ANXA5: variants seen among roughly 807,000 people sequenced by gnomAD.
ANXA5 encodes CBP-I.
A neutral mutation model predicts 48.1 loss-of-function variants in ANXA5; 40 were observed. The observed-to-expected ratio is 0.83, with a 90% CI of 0.65 to 1.08. The LOEUF is 1.08. Ranked by LOEUF, ANXA5 falls within the 50% of genes least tolerant of loss-of-function variation. The pLI is 0.00. For missense variants in ANXA5, 357 were observed against 376.8 expected (o/e 0.95, Z 0.44); for synonymous variants, 113 against 129.1 (o/e 0.88, Z 0.85).
chr4:121,674,192 G>GGGGA (rs1688048086), intron 8 of ANXA5, among the ~76,000 whole-genome samples: 1 of 123,178 alleles, frequency 8.1e-6, no homozygotes, highest in Non-Finnish European at 1.8e-5. Context: ...AGGGAGGGGA[G>GGGGA]GGGAGGGGAG....
At chr4:121,682,761 T>A (rs1388411891) in intron 5 of ANXA5, among the ~76,000 whole-genome samples, 3 of 152,142 alleles carry the variant, frequency 2.0e-5, no homozygotes, top group African/African-American at 7.2e-5. Context: ...AGCTAACAAC[T>A]GAACTACTTC....
intron 2 of ANXA5, among the ~76,000 whole-genome samples, chr4:121,691,141 T>C (rs1412779475): frequency 2.6e-5 from 4 of 151,402 alleles, no homozygotes; most frequent in African/African-American, 4.8e-5. Flanking sequence ...ATTCCCTTTA[T>C]CTGCTACCAC....
At chr4:121,678,531 T>C in intron 6 of ANXA5, 37 bp from the exon 7 acceptor site, 3 of 1,523,880 alleles carry the variant, frequency 2.0e-6, no homozygotes, top group African/African-American at 2.7e-5. Flanking sequence ...TTACATCTTC[T>C]TTCAACTAGA....
At chr4:121,692,743 A>T (rs1725007479) in intron 2 of ANXA5, among the ~76,000 whole-genome samples, 1 of 152,248 alleles carries the variant, frequency 6.6e-6, no homozygotes, top group Admixed American at 6.5e-5. Context: ...AAACAAAAAT[A>T]GTAATACCTA....
chr4:121,690,723 A>G (rs193228448), intron 2 of ANXA5, among the ~76,000 whole-genome samples: 94 of 152,342 alleles, frequency 6.2e-4, no homozygotes, highest in Admixed American at 1.2e-3. Flanking sequence ...AGACTGAAGG[A>G]AATTAGGTGA....
At chr4:121,675,690 C>G (rs1369765941) in intron 8 of ANXA5, among the ~76,000 whole-genome samples, 1 of 152,216 alleles carries the variant, frequency 6.6e-6, no homozygotes, top group Admixed American at 6.5e-5. Flanking sequence ...CTGCATGACA[C>G]GTAAGTGTCA....
At chr4:121,689,716 G>A (rs1048569368) in intron 2 of ANXA5, among the ~76,000 whole-genome samples, 1 of 152,158 alleles carries the variant, frequency 6.6e-6, no homozygotes, top group East Asian at 1.9e-4. Context: ...CATCCTGTAG[G>A]CAACAGGAAG....
chr4:121,687,161 G>A (rs1004801790), intron 2 of ANXA5, among the ~76,000 whole-genome samples: 1 of 151,980 alleles, frequency 6.6e-6, no homozygotes. Flanking sequence ...TTAACCGGGT[G>A]TGGTGGCAGG....
At chr4:121,692,640 T>G (rs1725006510) in intron 2 of ANXA5, among the ~76,000 whole-genome samples, 1 of 152,218 alleles carries the variant, frequency 6.6e-6, no homozygotes, top group African/African-American at 2.4e-5. Flanking sequence ...CCCTAAGTAT[T>G]TATTTGCTGT....
chr4:121,694,470 C>T (rs1301805862), intron 2 of ANXA5, among the ~76,000 whole-genome samples: 2 of 152,006 alleles, frequency 1.3e-5, no homozygotes, highest in African/African-American at 2.4e-5. Flanking sequence ...CTGCAACCTC[C>T]GCCTCCCGGG....
Position 121,684,775 on chromosome 4 carries a change from C to A in ANXA5, c.95-4G>T, listed in dbSNP as rs763265975. The stretch of plus-strand genomic sequence containing the variant: ...AGGATGCTCTCCTCATCTGTGCCTG[C>A]AATTTATGGTTAACAATTACATTTT... On this transcript the variant is annotated splice_region_variant and splice_polypyrimidine_tract_variant and intron_variant, in intron 3 of 12. Transcript: ENST00000296511. The A allele has an allele frequency of 6.2e-7, 1 of 1,612,696 alleles. No individual in the cohort carries two copies. The highest frequency in any genetic ancestry group is 8.5e-7 in the Non-Finnish European group (1 of 1,179,130).
At position 121,684,585 on chromosome 4, in the gene ANXA5, G is replaced by A. The variant is rs78275252; in HGVS notation, c.189+92C>T. 5.2e-3 allele frequency: 5,600 copies of A among 1,067,306 alleles called. 30 individuals carry two copies. The highest frequency in any genetic ancestry group is 0.012 in the South Asian group (778 of 67,102). The allele number at this position is 1,067,306 out of a possible 1,614,324, so 66.1% of individuals were successfully genotyped here. ...GGGAAGTCGGAATCACAAAATAAATGATGCTTACAAAAGAATATCAGTATA... is the reference window on the plus strand; with the variant it reads ...GGGAAGTCGGAATCACAAAATAAATAATGCTTACAAAAGAATATCAGTATA... On this transcript the variant is annotated intron_variant, in intron 4 of 12. Transcript: ENST00000296511.
chr4:121,674,217 A>T (rs1479823113), intron 8 of ANXA5, among the ~76,000 whole-genome samples: 2 of 81,246 alleles, frequency 2.5e-5, no homozygotes, highest in Non-Finnish European at 4.7e-5. Flanking sequence ...AGGGGCGGAA[A>T]GGAGAAGGGA....
intron 6 of ANXA5, among the ~76,000 whole-genome samples, chr4:121,679,294 A>G (rs1363672123): frequency 6.6e-6 from 1 of 152,186 alleles, no homozygotes; most frequent in Non-Finnish European, 1.5e-5. Context: ...ACCTGTAAAT[A>G]TTAACCATTA....
Position 121,676,648 on chromosome 4 carries a change from C to T in ANXA5, c.531+1246G>A, listed in dbSNP as rs539047050. Among the ~76,000 whole-genome samples, 65 of 135,104 alleles carry T rather than the reference C, an allele frequency of 4.8e-4. 2 individuals are homozygous for T. The South Asian group carries it at 0.014, about 29-fold the overall frequency. The allele number at this position is 135,104 out of a possible 152,430, so 88.6% of individuals were successfully genotyped here. A position where few individuals can be genotyped will look rare whatever the true frequency, so the allele number is the denominator to read the frequency against. ...AAGTAAATAGATGGCTTCCAGAGAACGTGGCAAGAACTGTGACAGGAAGCC... is the reference window on the plus strand; with the variant it reads ...AAGTAAATAGATGGCTTCCAGAGAATGTGGCAAGAACTGTGACAGGAAGCC... On this transcript the variant is annotated intron_variant, in intron 8 of 12. Coordinates refer to ENST00000296511, the MANE Select transcript of ANXA5 (RefSeq NM_001154.4).
Position 121,694,578 on chromosome 4 carries a change from T to G in ANXA5, c.9+2003A>C, listed in dbSNP as rs561512522. The stretch of plus-strand genomic sequence containing the variant: ...TTTTGTATTTTTAGAAGAGACGAGG[T>G]CTCACCATGTTGGTTAGGCTGGTCT... On this transcript the variant is annotated intron_variant, in intron 2 of 12. Coordinates refer to ENST00000296511, the MANE Select transcript of ANXA5 (RefSeq NM_001154.4). Among the ~76,000 whole-genome samples the G allele has an allele frequency of 3.7e-4, 57 of 152,194 alleles. No individual in the cohort carries two copies. The South Asian group carries it at 0.011, about 31-fold the overall frequency.
intron 3 of ANXA5, 119 bp downstream of exon 3, chr4:121,686,169 A>AT: frequency 3.9e-6 from 3 of 763,702 alleles, no homozygotes; most frequent in Non-Finnish European, 6.4e-6. Context: ...TTATCTTAAC[A>AT]TATCTCTTCT....
intron 2 of ANXA5, among the ~76,000 whole-genome samples, chr4:121,686,818 A>C (rs10011722): frequency 6.6e-6 from 1 of 152,194 alleles, no homozygotes; most frequent in Non-Finnish European, 1.5e-5. Context: ...TTCTGTATAC[A>C]TACTTAGGGA....
intron 8 of ANXA5, among the ~76,000 whole-genome samples, chr4:121,674,954 T>A (rs1294657296): frequency 2.0e-5 from 3 of 152,180 alleles, no homozygotes; most frequent in Non-Finnish European, 2.9e-5. Context: ...CTACTTAATC[T>A]CCTCTTCAGC....
Sources: gnomAD v4.1 joint callset for allele counts (sites outside exome capture counted in the v4.1 genomes callset) on GRCh38, gnomAD v4.1.1 for gene constraint, MANE v1.5 for transcripts, NCBI Gene and HGNC (gene_info 2026-07-23, HGNC 2026-07-21) for gene names.